SLCO2A1: variants seen among roughly 807,000 people sequenced by gnomAD.
The protein encoded by SLCO2A1 is matrin F/G 1.
SLCO2A1 carries 60 observed loss-of-function variants against 71.7 expected under a neutral mutation model. The ratio of observed to expected loss-of-function variants is 0.84; its 90% CI spans 0.68 to 1.04. The LOEUF is 1.04. Among genes scored for constraint, SLCO2A1 ranks in the 50% least tolerant of loss-of-function variants. The probability of loss-of-function intolerance (pLI) is 0.00; values close to 1 mark genes in which losing one functional copy is unlikely to be tolerated. For missense variants in SLCO2A1, 745 were observed against 813.4 expected (o/e 0.92, Z 1.02); for synonymous variants, 308 against 326.7 (o/e 0.94, Z 0.62).
intron 11 of SLCO2A1, among the ~76,000 whole-genome samples, chr3:133,941,468 G>C (rs756739456): frequency 6.6e-6 from 1 of 152,038 alleles, no homozygotes; most frequent in Non-Finnish European, 1.5e-5. Context: ...GGCAGAGCAG[G>C]GACTTTAATC....
chr3:134,006,865 T>C (rs1323074744), intron 1 of SLCO2A1, among the ~76,000 whole-genome samples: 2 of 152,266 alleles, frequency 1.3e-5, no homozygotes, highest in Non-Finnish European at 2.9e-5. Flanking sequence ...GATCATATTA[T>C]GACTCTACTT....
At chr3:133,937,340 G>A (rs1933292598) in intron 12 of SLCO2A1, among the ~76,000 whole-genome samples, 1 of 152,202 alleles carries the variant, frequency 6.6e-6, no homozygotes, top group South Asian at 2.1e-4. Context: ...TGTTTATAAT[G>A]CAGGCAGCAG....
At chr3:133,991,650 G>A (rs1177586112) in intron 1 of SLCO2A1, among the ~76,000 whole-genome samples, 1 of 152,190 alleles carries the variant, frequency 6.6e-6, no homozygotes, top group Non-Finnish European at 1.5e-5. Flanking sequence ...GAAACACATA[G>A]ATTTCCATCA....
intron 1 of SLCO2A1, among the ~76,000 whole-genome samples, chr3:134,000,115 G>A (rs1935073294): frequency 1.3e-5 from 2 of 152,206 alleles, no homozygotes; most frequent in East Asian, 1.9e-4. Context: ...GGGGGATGAC[G>A]AGTGCATATC....
In SLCO2A1 at chr3:134,029,730, G is replaced by A. The variant is rs199757817; in HGVS notation, c.73C>T (p.Arg25Cys). 4 of 1,589,914 alleles carry A rather than the reference G, an allele frequency of 2.5e-6. No homozygotes were observed. The East Asian group carries it at 9.4e-5, about 37-fold the overall frequency. Reference sequence around the variant, plus strand: ...ACCTTAATGTTGCCGAAGACCGAGCGGGCACAGCGGCCGGCTCGGCTAGTA... The same window carrying A: ...ACCTTAATGTTGCCGAAGACCGAGCAGGCACAGCGGCCGGCTCGGCTAGTA... ...TSTSRAGRCARSVFGNIKVFV... is the reference protein window; with the variant it reads ...TSTSRAGRCACSVFGNIKVFV... Residue 25 changes from arginine (R) to cysteine (C), a missense_variant, in exon 1 of 14, where the codon CGC (arginine) becomes TGC (cysteine). Arg to Cys is a radical substitution (Grantham distance 180). Coordinates refer to ENST00000310926, the MANE Select transcript of SLCO2A1 (RefSeq NM_005630.3).
At chr3:134,000,977 G>C (rs1935093487) in intron 1 of SLCO2A1, among the ~76,000 whole-genome samples, 1 of 152,168 alleles carries the variant, frequency 6.6e-6, no homozygotes, top group African/African-American at 2.4e-5. Context: ...AACTTCTCTT[G>C]CTAAATTAGC....
At position 134,029,880 on chromosome 3, in the gene SLCO2A1, G is replaced by T; in HGVS notation, c.-78C>A. 1.3e-6 allele frequency: 1 copy of T among 759,054 alleles called. No homozygotes were observed. The allele number at this position is 759,054 out of a possible 1,614,324, so 47.0% of individuals were successfully genotyped here. A position where few individuals can be genotyped will look rare whatever the true frequency, so the allele number is the denominator to read the frequency against. Reference sequence around the variant, plus strand: ...GCTGGAGCGGCCGGGCGGGTGAGAGGCGACCGCGGCGGCAGTGGCCGGAGG... The same window carrying T: ...GCTGGAGCGGCCGGGCGGGTGAGAGTCGACCGCGGCGGCAGTGGCCGGAGG... On this transcript the variant is annotated 5_prime_UTR_variant, in exon 1 of 14. Coordinates refer to ENST00000310926, the MANE Select transcript of SLCO2A1 (RefSeq NM_005630.3).
At chr3:133,942,047 G>T (rs1344306463) in intron 11 of SLCO2A1, among the ~76,000 whole-genome samples, 1 of 152,172 alleles carries the variant, frequency 6.6e-6, no homozygotes. Context: ...AGGCTGGAGT[G>T]CAGTGGCACA....
At position 133,945,223 on chromosome 3, in the gene SLCO2A1, G is replaced by T; in HGVS notation, c.1333C>A (p.Arg445Ser). 3.1e-6 allele frequency: 5 copies of T among 1,613,556 alleles called. No individual in the cohort carries two copies. The highest frequency in any genetic ancestry group is 1.7e-4 in the Middle Eastern group (1 of 6,052). The change falls in exon 10 of 14, where the codon CGC becomes AGC. Residue 445 changes from arginine (R) to serine (S), a missense_variant. By Grantham distance (110) the Arg-to-Ser change is moderately radical (BLOSUM62 -1). Coordinates refer to ENST00000310926, the MANE Select transcript of SLCO2A1 (RefSeq NM_005630.3). ...GAATCTGGGCACGAGCAGTCCCTGC[G>T]GCAGGCAGGAGACTGCGGATGTATA... Reference protein sequence around the residue: ...SSIHPQSPACRRDCSCPDSIF... With the variant: ...SSIHPQSPACSRDCSCPDSIF...
intron 2 of SLCO2A1, among the ~76,000 whole-genome samples, chr3:133,978,052 T>C (rs2108057521): frequency 6.6e-6 from 1 of 152,230 alleles, no homozygotes; most frequent in South Asian, 2.1e-4. Flanking sequence ...AGGGATGACT[T>C]AGACAGGCTG....
At chr3:133,939,105 C>T (rs1284447460) in intron 11 of SLCO2A1, among the ~76,000 whole-genome samples, 1 of 152,224 alleles carries the variant, frequency 6.6e-6, no homozygotes, top group Non-Finnish European at 1.5e-5. Flanking sequence ...CCATGTTTGG[C>T]TTAATGCTCT....
chr3:133,978,998 C>G (rs1934521944), intron 2 of SLCO2A1, among the ~76,000 whole-genome samples: 1 of 152,218 alleles, frequency 6.6e-6, no homozygotes, highest in Non-Finnish European at 1.5e-5. Flanking sequence ...CCTCATAAGA[C>G]AGGAGATGCC....
At chr3:133,982,432 C>T (rs1019429496) in intron 1 of SLCO2A1, among the ~76,000 whole-genome samples, 1 of 152,206 alleles carries the variant, frequency 6.6e-6, no homozygotes, top group African/African-American at 2.4e-5. Context: ...GTTTTGCAAG[C>T]AGGTCCACTC....
intron 1 of SLCO2A1, among the ~76,000 whole-genome samples, chr3:134,000,556 A>G (rs1935086286): frequency 6.6e-6 from 1 of 152,170 alleles, no homozygotes; most frequent in Non-Finnish European, 1.5e-5. Context: ...CATTAGGAAT[A>G]GATCACTGGG....
intron 1 of SLCO2A1, among the ~76,000 whole-genome samples, chr3:134,009,170 A>G (rs552211833): frequency 6.6e-6 from 1 of 152,246 alleles, no homozygotes; most frequent in South Asian, 2.1e-4. Flanking sequence ...GGACATGTTT[A>G]CTGTAGAAAA....
intron 1 of SLCO2A1, among the ~76,000 whole-genome samples, chr3:133,992,053 A>G (rs1934858946): frequency 6.6e-6 from 1 of 152,194 alleles, no homozygotes; most frequent in Non-Finnish European, 1.5e-5. Flanking sequence ...GAACTCTCTG[A>G]GCAAAGTCCT....
intron 1 of SLCO2A1, among the ~76,000 whole-genome samples, chr3:133,987,975 GAAGAA>G (rs1283954685): frequency 6.6e-6 from 1 of 152,202 alleles, no homozygotes; most frequent in Non-Finnish European, 1.5e-5. Context: ...GGAAAAGGGA[GAAGAA>G]AAGAACAGCA....
At chr3:133,995,585 G>A (rs2108066791) in intron 1 of SLCO2A1, among the ~76,000 whole-genome samples, 1 of 152,234 alleles carries the variant, frequency 6.6e-6, no homozygotes, top group East Asian at 1.9e-4. Flanking sequence ...CCTGTTACCT[G>A]GTCTCTATTG....
chr3:133,956,243 C>T (rs1472832887), intron 3 of SLCO2A1, among the ~76,000 whole-genome samples: 1 of 152,190 alleles, frequency 6.6e-6, no homozygotes, highest in Non-Finnish European at 1.5e-5. Flanking sequence ...GAAAACCGAG[C>T]GCCGTAGACT....
Sources: gnomAD v4.1 joint callset for allele counts (sites outside exome capture counted in the v4.1 genomes callset) on GRCh38, gnomAD v4.1.1 for gene constraint, MANE v1.5 for transcripts, NCBI Gene and HGNC (gene_info 2026-07-23, HGNC 2026-07-21) for gene names.